PCDHGB4: variants seen among roughly 807,000 people sequenced by gnomAD.
PCDHGB4 encodes protocadherin gamma subfamily B, 4.
A neutral mutation model predicts 60.5 loss-of-function variants in PCDHGB4; 38 were observed. The observed-to-expected ratio is 0.63, with a 90% confidence interval of 0.48 to 0.82. The LOEUF (loss-of-function observed/expected upper bound fraction) is 0.82. Ranked by LOEUF, PCDHGB4 falls within the 40% of genes least tolerant of loss-of-function variation. The pLI is 0.00. For missense variants in PCDHGB4, 1,109 were observed against 1,209.6 expected, an observed-to-expected ratio of 0.92 and a Z score of 1.23; for synonymous variants, 456 against 509.7, an observed-to-expected ratio of 0.89 and a Z score of 1.42.
intron 2 of PCDHGB4, among the ~76,000 whole-genome samples, chr5:141,503,797 G>A (rs2099831309): frequency 6.6e-6 from 1 of 152,006 alleles, no homozygotes; most frequent in South Asian, 2.1e-4. Context: ...ATCTACTTAG[G>A]GACGGGGAAT....
At chr5:141,498,588 A>G (rs1326073516) in intron 2 of PCDHGB4, among the ~76,000 whole-genome samples, 1 of 152,082 alleles carries the variant, frequency 6.6e-6, no homozygotes, top group Non-Finnish European at 1.5e-5. Context: ...GTTCTTCAGT[A>G]AACTTGGTTC....
intron 1 of PCDHGB4, among the ~76,000 whole-genome samples, chr5:141,475,504 T>C (rs1202550150): frequency 1.3e-5 from 2 of 152,254 alleles, no homozygotes; most frequent in Non-Finnish European, 2.9e-5. Flanking sequence ...AAATTATTAA[T>C]GTCTCCACGG....
chr5:141,501,290 T>TACACATAC (rs1224133816), intron 2 of PCDHGB4, among the ~76,000 whole-genome samples: 1,510 of 136,196 alleles, frequency 0.011, 8 homozygotes, highest in Admixed American at 0.014. Flanking sequence ...TATTCCCTTA[T>TACACATAC]ACACACACAC....
At chr5:141,418,908 C>T (rs1037628215) in intron 1 of PCDHGB4, 1 of 1,613,814 alleles carries the variant, frequency 6.2e-7, no homozygotes, top group Non-Finnish European at 8.5e-7. Context: ...ATAATCATCA[C>T]GTCACTCTCT....
chr5:141,448,955 A>G (rs929888928), intron 1 of PCDHGB4, among the ~76,000 whole-genome samples: 1 of 152,174 alleles, frequency 6.6e-6, no homozygotes. Flanking sequence ...AAAAAAACAA[A>G]CAAACAAACA....
chr5:141,476,613 G>T lies in PCDHGB4; in HGVS notation c.2398-18194G>T. On this transcript the variant is annotated intron_variant, in intron 1 of 3. Coordinates refer to ENST00000519479, the MANE Select transcript of PCDHGB4 (RefSeq NM_003736.4). The surrounding 1 kb of genome is among the most constrained non-coding windows in gnomAD (Gnocchi z 7.6). ...AGCGCGCACGATCCCGATGTGGGAA[G>T]CAACTCTTTACAAACCTATGAGCTG... 2 of 1,614,266 alleles carry T rather than the reference G, an allele frequency of 1.2e-6. No homozygotes were observed. The highest frequency in any genetic ancestry group is 2.7e-5 in the African/African-American group (2 of 75,078).
chr5:141,458,168 A>G (rs1287422935), intron 1 of PCDHGB4, among the ~76,000 whole-genome samples: 1 of 152,254 alleles, frequency 6.6e-6, no homozygotes. Context: ...TGTTCACAGT[A>G]GTATACCTTA....
rs753030509 is a variant in PCDHGB4, at chr5:141,431,672, G to A, written c.2397+41391G>A. On this transcript the variant is annotated intron_variant, in intron 1 of 3. Transcript: ENST00000519479. The surrounding 1 kb of genome is among the most constrained non-coding windows in gnomAD (Gnocchi z 4.8). ...TAATTCAGGGACAATATCAACAATA[G>A]GGGAGTTGGACCACGAGGAGTCAGG... The A allele has an allele frequency of 9.3e-6, 15 of 1,614,110 alleles. No homozygotes were observed. Among genetic ancestry groups the A allele is most frequent in the African/African-American group, 4.0e-5 (3 of 74,948 alleles).
At position 141,415,428 on chromosome 5, in the gene PCDHGB4, G is replaced by T. The variant is rs948747218; in HGVS notation, c.2397+25147G>T. 1.5e-5 allele frequency: 24 copies of T among 1,614,088 alleles called. No individual in the cohort carries two copies. In the Admixed American group the frequency reaches 1.7e-4, roughly 11 times the overall value. ...ACTTTGTGGGCGTGGACGGGGTTCG[G>T]GCTTTCCTGCAGACCTATTCCCACG... On this transcript the variant is annotated intron_variant, in intron 1 of 3. Transcript: ENST00000519479.
At chr5:141,392,891 C>G in intron 1 of PCDHGB4, 1 of 1,613,594 alleles carries the variant, frequency 6.2e-7, no homozygotes, top group Non-Finnish European at 8.5e-7. Context: ...TGTGGGAAAT[C>G]GGGAGGGGAC....
At chr5:141,429,388 A>T (rs6890453) in intron 1 of PCDHGB4, among the ~76,000 whole-genome samples, 24,714 of 140,916 alleles carry the variant, frequency 0.18, 2,276 homozygotes, top group African/African-American at 0.28. Flanking sequence ...TTTTTTTTTT[A>T]AAAAAAATTG....
rs1312195504 is a variant in PCDHGB4 at position 141,429,392 on chromosome 5, A to ATTTTT, written c.2397+39111_2397+39112insTTTTT. On this transcript the variant is annotated intron_variant, in intron 1 of 3. Transcript: ENST00000519479. Reference sequence around the variant, plus strand: ...GAGAAAATGTGTTTTTTTTTTAAAAAAAATTGAGATTAAGGTCTCATTATG... The same window carrying ATTTTT: ...GAGAAAATGTGTTTTTTTTTTAAAAATTTTTAAATTGAGATTAAGGTCTCATTATG... Among the ~76,000 whole-genome samples, 131 of 152,104 alleles carry ATTTTT rather than the reference A, an allele frequency of 8.6e-4. 1 individual carries two copies. Among genetic ancestry groups the ATTTTT allele is most frequent in the Non-Finnish European group, 1.5e-3 (100 of 67,974 alleles).
chr5:141,405,698 G>C (rs1274236930), intron 1 of PCDHGB4, among the ~76,000 whole-genome samples: 1 of 152,128 alleles, frequency 6.6e-6, no homozygotes, highest in Non-Finnish European at 1.5e-5. Flanking sequence ...GGCTGGTCTT[G>C]AATTCCTAAC....
At chr5:141,473,402 T>C (rs1019157713) in intron 1 of PCDHGB4, among the ~76,000 whole-genome samples, 7 of 152,224 alleles carry the variant, frequency 4.6e-5, no homozygotes, top group Non-Finnish European at 7.3e-5. Flanking sequence ...CTTCTTTTTT[T>C]CTTCTTCAGT....
intron 1 of PCDHGB4, chr5:141,420,076 TCCC>T: frequency 1.9e-6 from 3 of 1,613,956 alleles, no homozygotes; most frequent in Non-Finnish European, 2.5e-6. Context: ...GACCTGTGGG[TCCC>T]CCCAACTACA....
At chr5:141,444,788 G>T (rs775248284) in intron 1 of PCDHGB4, among the ~76,000 whole-genome samples, 59 of 151,920 alleles carry the variant, frequency 3.9e-4, no homozygotes, top group Non-Finnish European at 5.7e-4. Context: ...TGTTTCATTT[G>T]TCTATTCTTT....
At chr5:141,394,019 T>C in intron 1 of PCDHGB4, 1 of 1,613,522 alleles carries the variant, frequency 6.2e-7, no homozygotes, top group Non-Finnish European at 8.5e-7. Flanking sequence ...GTAATTATTA[T>C]AGATTAGTGA....
In PCDHGB4 at chr5:141,485,589, A is replaced by G. The variant is rs1407992185; in HGVS notation, c.2398-9218A>G. 6.2e-7 allele frequency: 1 copy of G among 1,612,610 alleles called. No homozygotes were observed. Among genetic ancestry groups the G allele is most frequent in the Non-Finnish European group, 8.5e-7 (1 of 1,178,834 alleles). On this transcript the variant is annotated intron_variant, in intron 1 of 3. Coordinates refer to ENST00000519479, the MANE Select transcript of PCDHGB4 (RefSeq NM_003736.4). The surrounding 1 kb of genome is among the most constrained non-coding windows in gnomAD (Gnocchi z 5.7). Reference sequence around the variant, plus strand: ...CCCCGTTTTCCGCGGCAGCAGCTGGACTTGGAAATTGGGGAGGCAGCTCCT... The same window carrying G: ...CCCCGTTTTCCGCGGCAGCAGCTGGGCTTGGAAATTGGGGAGGCAGCTCCT...
chr5:141,464,583 C>T (rs768431243), intron 1 of PCDHGB4, among the ~76,000 whole-genome samples: 6 of 152,024 alleles, frequency 3.9e-5, no homozygotes, highest in Admixed American at 2.0e-4. Context: ...TGAGAATGTC[C>T]ATTGTCCCAT....
Sources: allele counts gnomAD v4.1 joint callset (sites outside exome capture counted in the v4.1 genomes callset), GRCh38; gene constraint gnomAD v4.1.1; non-coding constraint Gnocchi (gnomAD v3.1); transcripts MANE v1.5; gene names NCBI Gene and HGNC (gene_info 2026-07-23, HGNC 2026-07-21).